Variants in AFG2A observed in about 807,000 individuals in gnomAD.
The protein encoded by AFG2A is AAA ATPase AFG2A.
the AFG2A span, among the ~76,000 whole-genome samples, chr4:122,937,193 A>G: frequency 2.0e-5 from 3 of 152,098 alleles, no homozygotes; most frequent in Non-Finnish European, 4.4e-5. Context: ...AGACATAGCC[A>G]TATTATGAGT....
the AFG2A span, among the ~76,000 whole-genome samples, chr4:123,290,937 T>G: frequency 6.6e-6 from 1 of 152,156 alleles, no homozygotes; most frequent in East Asian, 1.9e-4. Context: ...TGTCTTTTCT[T>G]AGGTCTAAGA....
chr4:123,300,560 A>G, the AFG2A span, among the ~76,000 whole-genome samples: 1 of 152,178 alleles, frequency 6.6e-6, no homozygotes, highest in African/African-American at 2.4e-5. Flanking sequence ...TTCAGTTTCT[A>G]AATACCCAGT....
chr4:122,938,236 A>G, the AFG2A span: 1 of 1,600,144 alleles, frequency 6.2e-7, no homozygotes, highest in South Asian at 1.1e-5. Context: ...ACACTGATGG[A>G]TGGCATTGGT....
the AFG2A span, among the ~76,000 whole-genome samples, chr4:123,212,262 A>G: frequency 6.6e-6 from 1 of 151,802 alleles, no homozygotes; most frequent in African/African-American, 2.4e-5. Context: ...TAGCCTCCCA[A>G]TTTATTTTCT....
At chr4:122,990,780 G>C in the AFG2A span, among the ~76,000 whole-genome samples, 1 of 152,166 alleles carries the variant, frequency 6.6e-6, no homozygotes, top group African/African-American at 2.4e-5. Context: ...GTAGAGACGA[G>C]GTCTTGCTTT....
At chr4:122,936,013 G>A in the AFG2A span, 11 of 1,340,738 alleles carry the variant, frequency 8.2e-6, no homozygotes, top group Non-Finnish European at 8.1e-6. Context: ...AAGTATTATA[G>A]AAATATTGAA....
At chr4:123,270,883 C>CA in the AFG2A span, among the ~76,000 whole-genome samples, 3 of 152,164 alleles carry the variant, frequency 2.0e-5, no homozygotes, top group Non-Finnish European at 4.4e-5. Context: ...ATTTCAAACT[C>CA]AAAGGATTTG....
At chr4:123,279,524 T>C in the AFG2A span, among the ~76,000 whole-genome samples, 7 of 152,194 alleles carry the variant, frequency 4.6e-5, no homozygotes, top group African/African-American at 1.7e-4. Context: ...AAAGGTAAAT[T>C]TGAATCCCAT....
chr4:123,268,213 G>C, the AFG2A span, among the ~76,000 whole-genome samples: 1 of 152,022 alleles, frequency 6.6e-6, no homozygotes, highest in African/African-American at 2.4e-5. Context: ...GATGAAAAGA[G>C]AGACAAGAAT....
chr4:123,003,719 G>A, the AFG2A span, among the ~76,000 whole-genome samples: 61 of 152,200 alleles, frequency 4.0e-4, no homozygotes, highest in African/African-American at 1.4e-3. Context: ...GCCCCTACTG[G>A]GGGGTGCCTT....
At chr4:123,035,117 A>G in the AFG2A span, among the ~76,000 whole-genome samples, 3 of 152,208 alleles carry the variant, frequency 2.0e-5, no homozygotes, top group Admixed American at 6.5e-5. Flanking sequence ...GTTGAAGCCT[A>G]TAAAGGTGTG....
the AFG2A span, among the ~76,000 whole-genome samples, chr4:123,074,440 TTTTTTTC>T: frequency 1.4e-4 from 2 of 14,368 alleles, no homozygotes; most frequent in Non-Finnish European, 1.6e-4. Context: ...GTTTCCATTC[TTTTTTTC>T]TTTTTTTTTT....
the AFG2A span, among the ~76,000 whole-genome samples, chr4:123,187,831 C>A: frequency 2.0e-5 from 3 of 151,622 alleles, no homozygotes; most frequent in Non-Finnish European, 1.5e-5. Context: ...CCCCATCTGT[C>A]CAAAAAATAC....
chr4:122,997,988 G>A, the AFG2A span, among the ~76,000 whole-genome samples: 3 of 151,860 alleles, frequency 2.0e-5, no homozygotes, highest in African/African-American at 4.8e-5. Flanking sequence ...TTCTTAATTC[G>A]GTGATTTGTC....
chr4:123,316,570 G>C, the AFG2A span: 1 of 152,090 alleles, frequency 6.6e-6, no homozygotes, highest in African/African-American at 2.4e-5. Context: ...TATGGCTAAG[G>C]GCACAAGAAA....
the AFG2A span, among the ~76,000 whole-genome samples, chr4:123,158,867 C>G: frequency 6.6e-6 from 1 of 152,152 alleles, no homozygotes; most frequent in African/African-American, 2.4e-5. Flanking sequence ...TCAAATTCAG[C>G]TGCTAAAATT....
the AFG2A span, among the ~76,000 whole-genome samples, chr4:123,108,866 AT>A: frequency 2.0e-5 from 3 of 151,358 alleles, no homozygotes; most frequent in African/African-American, 2.4e-5. Context: ...GGCTTAACGC[AT>A]TTTTTTTTAA....
the AFG2A span, among the ~76,000 whole-genome samples, chr4:123,234,912 A>G: frequency 6.6e-6 from 1 of 152,164 alleles, no homozygotes; most frequent in Non-Finnish European, 1.5e-5. Flanking sequence ...GACTAATAAT[A>G]GTACCTCGCC....
the AFG2A span, among the ~76,000 whole-genome samples, chr4:123,231,097 A>G: frequency 6.6e-6 from 1 of 151,964 alleles, no homozygotes; most frequent in Admixed American, 6.6e-5. Flanking sequence ...TACCAACTGC[A>G]TTAGCCCCCA....
Sources: gnomAD v4.1 joint callset for allele counts (sites outside exome capture counted in the v4.1 genomes callset) on GRCh38, gnomAD v4.1.1 for gene constraint, MANE v1.5 for transcripts, NCBI Gene and HGNC (gene_info 2026-07-23, HGNC 2026-07-21) for gene names.